Variants in FAM83D observed in about 807,000 individuals in gnomAD.
FAM83D encodes the protein protein FAM83D.
FAM83D carries 26 observed loss-of-function variants against 25.4 expected under a neutral mutation model. The ratio of observed to expected loss-of-function variants is 1.02; its 90% CI spans 0.75 to 1.42. FAM83D has a LOEUF of 1.42. Among genes scored for constraint, FAM83D ranks in the 40% most tolerant of loss-of-function variants. The probability of loss-of-function intolerance (pLI) is 0.00; values close to 1 mark genes in which losing one functional copy is unlikely to be tolerated. For synonymous variants in FAM83D, 310 were observed against 318.5 expected (o/e 0.97, Z 0.28); for missense variants, 740 against 758.1 (o/e 0.98, Z 0.28).
intron 1 of FAM83D, among the ~76,000 whole-genome samples, chr20:38,939,790 TCTG>T (rs1301060293): frequency 3.3e-5 from 5 of 152,180 alleles, no homozygotes; most frequent in African/African-American, 1.2e-4. Flanking sequence ...CACAGCGTGC[TCTG>T]AGGAGGTGCT....
Position 38,952,028 on chromosome 20 carries a change from T to G in FAM83D, c.1266T>G (p.Thr422=). The G allele has an allele frequency of 1.9e-6, 3 of 1,614,222 alleles. No homozygotes were observed. Among genetic ancestry groups the G allele is most frequent in the Non-Finnish European group, 2.5e-6 (3 of 1,180,028 alleles). Reference sequence around the variant, plus strand: ...CCACAGCATGTGCTGGTACCCAGACTGCAGTCATCACCAGGATAGCAAGCT... The same window carrying G: ...CCACAGCATGTGCTGGTACCCAGACGGCAGTCATCACCAGGATAGCAAGCT... ...SITTACAGTQ[T]AVITRIASSQ... Residue 422 remains threonine (T), a synonymous_variant, in exon 4 of 4, where the codon ACT becomes ACG. Coordinates refer to ENST00000619850, the MANE Select transcript of FAM83D (RefSeq NM_030919.3).
rs1208467923 is a variant in FAM83D, at chr20:38,952,533, C to G, written c.*13C>G. ...TTCCTATCAGTAACTGCTCCGTGTTCAGACTCCTGGTTTCTTCCAGGCTTA... is the reference window on the plus strand; with the variant it reads ...TTCCTATCAGTAACTGCTCCGTGTTGAGACTCCTGGTTTCTTCCAGGCTTA... On this transcript the variant is annotated 3_prime_UTR_variant, in exon 4 of 4. Coordinates refer to ENST00000619850, the MANE Select transcript of FAM83D (RefSeq NM_030919.3). The G allele has an allele frequency of 1.2e-6, 2 of 1,602,738 alleles. No individual in the cohort carries two copies. Among genetic ancestry groups the G allele is most frequent in the South Asian group, 2.2e-5 (2 of 89,840 alleles).
At position 38,941,999 on chromosome 20, in the gene FAM83D, T is replaced by C; in HGVS notation, c.524T>C (p.Ile175Thr). Residue 175 changes from isoleucine (I) to threonine (T), a missense_variant, in exon 2 of 4, where the codon ATC becomes ACC. By Grantham distance (89) the Ile-to-Thr change is moderately conservative. Transcript: ENST00000619850. Reference sequence around the variant, plus strand: ...ATGGACGTGTTCACAGACATCGACATCTTCAGAGACCTGCAAGAAATATGC... The same window carrying C: ...ATGGACGTGTTCACAGACATCGACACCTTCAGAGACCTGCAAGAAATATGC... ...VVMDVFTDID[I>T]FRDLQEICRK... 2 of 1,614,234 alleles carry C rather than the reference T, an allele frequency of 1.2e-6. No homozygotes were observed. Among genetic ancestry groups the C allele is most frequent in the Non-Finnish European group, 8.5e-7 (1 of 1,180,046 alleles).
At chr20:38,928,777 C>T (rs2145798661) in intron 1 of FAM83D, among the ~76,000 whole-genome samples, 1 of 152,294 alleles carries the variant, frequency 6.6e-6, no homozygotes, top group South Asian at 2.1e-4. Context: ...ACTGACATTT[C>T]CAGATAGAAC....
Position 38,947,278 on chromosome 20 carries a change from G to A in FAM83D, c.652-598G>A, listed in dbSNP as rs139915948. ...GTTTTTGGTAATTATGTATTTGTAGGAGATGTGACATTGCTTGTTAAGCCA... is the reference window on the plus strand; with the variant it reads ...GTTTTTGGTAATTATGTATTTGTAGAAGATGTGACATTGCTTGTTAAGCCA... On this transcript the variant is annotated intron_variant, in intron 2 of 3. Coordinates refer to ENST00000619850, the MANE Select transcript of FAM83D (RefSeq NM_030919.3). 2.2e-3 allele frequency among the ~76,000 whole-genome samples: 331 copies of A among 152,308 alleles called. 2 individuals are homozygous for A. Among genetic ancestry groups the A allele is most frequent in the African/African-American group, 7.6e-3 (316 of 41,554 alleles).
At chr20:38,932,446 C>G (rs1334506822) in intron 1 of FAM83D, among the ~76,000 whole-genome samples, 1 of 152,214 alleles carries the variant, frequency 6.6e-6, no homozygotes, top group Non-Finnish European at 1.5e-5. Context: ...TGGCTGCTTA[C>G]CAGGTGCTCA....
chr20:38,952,196 C>A lies in FAM83D; in HGVS notation c.1434C>A (p.Ser478=). Residue 478 remains serine, a synonymous_variant, in exon 4 of 4, where the codon TCC becomes TCA. Coordinates refer to ENST00000619850, the MANE Select transcript of FAM83D (RefSeq NM_030919.3). ...CGAGATCTTCCAGTTTGAAGTCTTC[C>A]TCCTCTGTGTCTTCCCAAGGCTCTG... ...SVSRSSSLKS[S]SSVSSQGSVA... The A allele has an allele frequency of 6.2e-7, 1 of 1,614,190 alleles. No individual in the cohort carries two copies.
At chr20:38,936,110 C>G (rs890206511) in intron 1 of FAM83D, among the ~76,000 whole-genome samples, 4 of 151,886 alleles carry the variant, frequency 2.6e-5, no homozygotes, top group African/African-American at 9.7e-5. Flanking sequence ...GAATTCCAAG[C>G]ATGTTGCACA....
chr20:38,948,119 C>T (rs900756645), intron 3 of FAM83D, 119 bp downstream of exon 3: 14 of 1,236,446 alleles, frequency 1.1e-5, no homozygotes, highest in East Asian at 5.0e-5. Context: ...TTCTGATATG[C>T]GTGCATCTGT....
At chr20:38,939,163 G>A (rs1020023207) in intron 1 of FAM83D, among the ~76,000 whole-genome samples, 1 of 152,100 alleles carries the variant, frequency 6.6e-6, no homozygotes, top group Admixed American at 6.5e-5. Context: ...TTATCATGTG[G>A]CTTCCTGCGG....
At chr20:38,935,597 C>T (rs1397419232) in intron 1 of FAM83D, among the ~76,000 whole-genome samples, 1 of 152,194 alleles carries the variant, frequency 6.6e-6, no homozygotes, top group African/African-American at 2.4e-5. Context: ...GCACATGCCA[C>T]CACGCCCAGA....
intron 3 of FAM83D, among the ~76,000 whole-genome samples, chr20:38,951,278 A>G (rs2085752676): frequency 6.6e-6 from 1 of 152,170 alleles, no homozygotes; most frequent in African/African-American, 2.4e-5. Flanking sequence ...CTCAAAACAA[A>G]CAAACAAACA....
chr20:38,944,989 T>A (rs1168934173), intron 2 of FAM83D, among the ~76,000 whole-genome samples: 1 of 152,106 alleles, frequency 6.6e-6, no homozygotes, highest in East Asian at 1.9e-4. Flanking sequence ...TTTTGTAGTT[T>A]TACCTCCTTC....
In FAM83D at chr20:38,952,718, G is replaced by A; in HGVS notation, c.*198G>A. 1.6e-6 allele frequency: 1 copy of A among 643,170 alleles called. No homozygotes were observed. The highest frequency in any genetic ancestry group is 2.6e-6 in the Non-Finnish European group (1 of 381,436). 39.8% of individuals were successfully genotyped at this position (643,170 alleles called of 1,614,324 possible). On this transcript the variant is annotated 3_prime_UTR_variant, in exon 4 of 4. Transcript: ENST00000619850. ...TGTATATACCAGGTATTGGTTTTAT[G>A]GTTTAAACACTATGGATACAGGGGT...
intron 3 of FAM83D, 33 bp from the exon 4 acceptor site, chr20:38,951,506 C>A: frequency 6.3e-7 from 1 of 1,586,168 alleles, no homozygotes; most frequent in Non-Finnish European, 8.6e-7. Flanking sequence ...CTCATCCTTA[C>A]CAGCTGCTGT....
intron 1 of FAM83D, among the ~76,000 whole-genome samples, chr20:38,939,959 T>C (rs1229902821): frequency 1.3e-5 from 2 of 152,190 alleles, no homozygotes; most frequent in African/African-American, 4.8e-5. Flanking sequence ...ATTAAGCCAC[T>C]TGCCCAGGGT....
In FAM83D at chr20:38,926,425, T is replaced by A; in HGVS notation, c.-18T>A. On this transcript the variant is annotated 5_prime_UTR_variant, in exon 1 of 4. Coordinates refer to ENST00000619850, the MANE Select transcript of FAM83D (RefSeq NM_030919.3). The stretch of plus-strand genomic sequence containing the variant: ...CACGCCGGTTTTTGTCCGAGGGCTG[T>A]CGAGTCCGAGCGCCGCCATGGCTCT... The A allele has an allele frequency of 6.3e-7, 1 of 1,597,516 alleles. No homozygotes were observed. Among genetic ancestry groups the A allele is most frequent in the Non-Finnish European group, 8.5e-7 (1 of 1,178,484 alleles).
chr20:38,929,269 G>A (rs975533348), intron 1 of FAM83D, among the ~76,000 whole-genome samples: 25 of 152,052 alleles, frequency 1.6e-4, no homozygotes, highest in African/African-American at 6.0e-4. Flanking sequence ...CTGTGTATCA[G>A]ACACTACCAT....
rs188722931 is a variant in FAM83D, at chr20:38,947,106, G to A, written c.652-770G>A. ...AATTTAAATGTGTAAGATTTCTAAC[G>A]ATATAGAGCCACTGGTCTGCTCCAG... is the stretch of plus-strand genomic sequence containing the variant. On this transcript the variant is annotated intron_variant, in intron 2 of 3. Transcript: ENST00000619850. Among the ~76,000 whole-genome samples, 52 of 152,266 alleles carry A rather than the reference G, an allele frequency of 3.4e-4. No individual in the cohort carries two copies. The South Asian group carries it at 5.8e-3, about 17-fold the overall frequency.
Sources: allele counts gnomAD v4.1 joint callset (sites outside exome capture counted in the v4.1 genomes callset), GRCh38; gene constraint gnomAD v4.1.1; transcripts MANE v1.5; gene names NCBI Gene and HGNC (gene_info 2026-07-23, HGNC 2026-07-21).